The following NXPE4 variants were observed in gnomAD, a reference collection of about 807,000 sequenced individuals.
NXPE4 encodes the protein neurexophilin and PC-esterase domain family member 4.
NXPE4 carries 42 observed loss-of-function variants against 33.3 expected under a neutral mutation model. The ratio of observed to expected loss-of-function variants is 1.26; its 90% CI spans 0.98 to 1.63. The LOEUF (loss-of-function observed/expected upper bound fraction) is 1.63. NXPE4 is among the 40% of genes most tolerant of loss of function. The probability of loss-of-function intolerance (pLI) is 0.00; values close to 1 mark genes in which losing one functional copy is unlikely to be tolerated. For synonymous variants in NXPE4, 253 were observed against 234.9 expected, an observed-to-expected ratio of 1.08 and a Z score of -0.71; for missense variants, 709 against 647.6, an observed-to-expected ratio of 1.09 and a Z score of -1.03.
At chr11:114,654,716 A>G in the NXPE4 span, among the ~76,000 whole-genome samples, 1 of 152,148 alleles carries the variant, frequency 6.6e-6, no homozygotes, top group Non-Finnish European at 1.5e-5. Context: ...TATCCAATCT[A>G]TCACTGATGG....
chr11:114,598,456 C>A (rs934993095), upstream of NXPE4, among the ~76,000 whole-genome samples: 1 of 152,230 alleles, frequency 6.6e-6, no homozygotes. Flanking sequence ...CTCCACACTG[C>A]CCTAGTAGAG....
the NXPE4 span, among the ~76,000 whole-genome samples, chr11:114,632,570 TATATC>T: frequency 3.5e-5 from 4 of 113,950 alleles, no homozygotes; most frequent in East Asian, 2.2e-4. Flanking sequence ...TATATTTACA[TATATC>T]ATATATTTAT....
At chr11:114,668,129 G>C in the NXPE4 span, among the ~76,000 whole-genome samples, 2 of 151,642 alleles carry the variant, frequency 1.3e-5, no homozygotes, top group Non-Finnish European at 2.9e-5. Flanking sequence ...TAGTGTGCCT[G>C]CTCTTAAGCT....
the NXPE4 span, among the ~76,000 whole-genome samples, chr11:114,671,821 A>C: frequency 6.6e-6 from 1 of 152,018 alleles, no homozygotes; most frequent in Non-Finnish European, 1.5e-5. Flanking sequence ...AAAACAAGTG[A>C]CCACGGACAG....
chr11:114,642,202 T>A, the NXPE4 span, among the ~76,000 whole-genome samples: 1 of 152,040 alleles, frequency 6.6e-6, no homozygotes, highest in Non-Finnish European at 1.5e-5. Context: ...ATTTTACTTC[T>A]GTGGTCCTTC....
chr11:114,631,974 A>G, the NXPE4 span, among the ~76,000 whole-genome samples: 2 of 149,640 alleles, frequency 1.3e-5, no homozygotes, highest in African/African-American at 4.9e-5. Context: ...GTACTGGATA[A>G]TAAATATTGC....
At chr11:114,599,551 T>C (rs755632054), upstream of NXPE4, among the ~76,000 whole-genome samples, 67 of 152,154 alleles carry the variant, frequency 4.4e-4, no homozygotes, top group Non-Finnish European at 8.8e-4. Flanking sequence ...GGGTAATTTA[T>C]AAAGAAAAGA....
At chr11:114,665,602 A>C in the NXPE4 span, among the ~76,000 whole-genome samples, 1 of 152,218 alleles carries the variant, frequency 6.6e-6, no homozygotes, top group African/African-American at 2.4e-5. Context: ...TTAGTAGGAC[A>C]GGACAGCAAG....
At chr11:114,632,205 T>A in the NXPE4 span, among the ~76,000 whole-genome samples, 1 of 141,472 alleles carries the variant, frequency 7.1e-6, no homozygotes, top group Non-Finnish European at 1.5e-5. Context: ...TATATACATA[T>A]TATATATGTA....
At chr11:114,659,171 G>T in the NXPE4 span, among the ~76,000 whole-genome samples, 11 of 152,146 alleles carry the variant, frequency 7.2e-5, no homozygotes, top group Admixed American at 5.2e-4. Context: ...CATGAATATT[G>T]TTTATGTTAA....
chr11:114,577,046 TATATATATATAC>T (rs1220889909), intron 5 of NXPE4, among the ~76,000 whole-genome samples: 1 of 26,296 alleles, frequency 3.8e-5, no homozygotes, highest in Non-Finnish European at 6.7e-5. Flanking sequence ...TATATAAAGT[TATATATATATAC>T]ATATATATAT....
intron 5 of NXPE4, among the ~76,000 whole-genome samples, chr11:114,575,053 A>G (rs1001178307): frequency 2.6e-5 from 4 of 152,192 alleles, no homozygotes; most frequent in African/African-American, 9.6e-5. Context: ...TAAGTCAATA[A>G]ATGTGATACA....
At chr11:114,636,429 A>T in the NXPE4 span, among the ~76,000 whole-genome samples, 1 of 151,906 alleles carries the variant, frequency 6.6e-6, no homozygotes, top group African/African-American at 2.4e-5. Flanking sequence ...GGATTCGTTA[A>T]TTGTTTGAAG....
rs776378635 is a variant in NXPE4, at chr11:114,581,741, A to C, written c.876T>G (p.Ser292Arg). The C allele has an allele frequency of 2.5e-6, 4 of 1,612,178 alleles. No homozygotes were observed. The highest frequency in any genetic ancestry group is 3.4e-6 in the Non-Finnish European group (4 of 1,178,822). The change falls in exon 4 of 6, where the codon AGT (serine) becomes AGG (arginine). Residue 292 changes from serine (S) to arginine (R), a missense_variant. Physicochemically the swap from Ser to Arg is moderately radical, Grantham distance 110 (BLOSUM62 -1). Transcript: ENST00000375478. Reference protein sequence around the residue: ...VEIMEKFNTISVSKCNKETVA... With the variant: ...VEIMEKFNTIRVSKCNKETVA... ...AGTACTTACTGTTGCATTTGGAGAC[A>C]CTAATTGTATTGAATTTTTCCATAA...
the NXPE4 span, among the ~76,000 whole-genome samples, chr11:114,636,581 C>T: frequency 6.6e-6 from 1 of 151,890 alleles, no homozygotes; most frequent in Non-Finnish European, 1.5e-5. Context: ...ATCTTTCCTG[C>T]TTTCTCTTGT....
At chr11:114,624,126 C>A in the NXPE4 span, among the ~76,000 whole-genome samples, 1 of 151,884 alleles carries the variant, frequency 6.6e-6, no homozygotes, top group Non-Finnish European at 1.5e-5. Context: ...ACCACTGTTA[C>A]CCATTGTAAA....
At chr11:114,657,426 T>C in the NXPE4 span, among the ~76,000 whole-genome samples, 2 of 152,208 alleles carry the variant, frequency 1.3e-5, no homozygotes, top group Non-Finnish European at 2.9e-5. Context: ...AGCTCAGCAG[T>C]ATTAGTGATA....
At chr11:114,640,193 TTA>T in the NXPE4 span, among the ~76,000 whole-genome samples, 4 of 133,236 alleles carry the variant, frequency 3.0e-5, no homozygotes, top group Non-Finnish European at 4.6e-5. Context: ...TATATATAAT[TTA>T]TATATATTAT....
At chr11:114,601,723 A>ATTCT in the NXPE4 span, among the ~76,000 whole-genome samples, 1 of 70,184 alleles carries the variant, frequency 1.4e-5, no homozygotes, top group African/African-American at 5.9e-5. Context: ...ATATATTATA[A>ATTCT]TTATATATTA....
Sources: gnomAD v4.1 joint callset for allele counts (sites outside exome capture counted in the v4.1 genomes callset) on GRCh38, gnomAD v4.1.1 for gene constraint, MANE v1.5 for transcripts, NCBI Gene and HGNC (gene_info 2026-07-23, HGNC 2026-07-21) for gene names.